SLC26A3: variants seen among roughly 807,000 people sequenced by gnomAD.
The protein encoded by SLC26A3 is solute carrier family 26 member 3.
In SLC26A3, 64 loss-of-function variants were observed where a neutral mutation model predicts 85.6. The ratio of observed to expected loss-of-function variants is 0.75; its 90% CI spans 0.61 to 0.92. The LOEUF is 0.92. Among genes scored for constraint, SLC26A3 ranks in the 40% least tolerant of loss-of-function variants. SLC26A3 has a pLI of 0.00. For missense variants in SLC26A3, 922 were observed against 927.3 expected (o/e 0.99, Z 0.07); for synonymous variants, 349 against 336.0 (o/e 1.04, Z -0.42).
chr7:107,794,698 C>T, intron 1 of SLC26A3, 101 bp from the exon 2 acceptor site: 1 of 627,266 alleles, frequency 1.6e-6, no homozygotes, highest in Non-Finnish European at 2.8e-6. Flanking sequence ...CTTTTAAGAT[C>T]AAAAAAGGCA....
intron 1 of SLC26A3, among the ~76,000 whole-genome samples, chr7:107,802,498 A>G (rs1243974471): frequency 6.6e-6 from 1 of 151,912 alleles, no homozygotes. Context: ...TGTCTAGCAG[A>G]TAAATCTCTC....
rs1273219369 is a variant in SLC26A3 at position 107,773,923 on chromosome 7, T to C, written c.2004A>G (p.Lys668=). 2 of 1,610,022 alleles carry C rather than the reference T, an allele frequency of 1.2e-6. No individual in the cohort carries two copies. The highest frequency in any genetic ancestry group is 1.7e-6 in the Non-Finnish European group (2 of 1,176,330). Residue 668 remains lysine, a synonymous_variant, in exon 17 of 21, where the codon AAA becomes AAG. Coordinates refer to ENST00000340010, the MANE Select transcript of SLC26A3 (RefSeq NM_000111.3). ...CCATTAAGAACAAAGAAATTACCGA[T>C]TTAAGGCCCCTCACTGAAGAAACAT... The part of the protein sequence containing the change: ...FLDVSSVRGL[K]SILQEFIRIK...
At position 107,789,672 on chromosome 7, in the gene SLC26A3, A is replaced by G. The variant is rs1423324014; in HGVS notation, c.587T>C (p.Leu196Pro). ...GTATATCACTACAAATCCAATCCGC[A>G]GAATCCCAAAAGCCAACTGGAAAGA... ...SGIIQLAFGI[L>P]RIGFVVIYLS... Residue 196 changes from leucine (L) to proline (P), a missense_variant, in exon 6 of 21, where the codon CTG becomes CCG. Leu to Pro is a moderately conservative substitution (Grantham distance 98, BLOSUM62 -3). Transcript: ENST00000340010. The G allele has an allele frequency of 6.2e-7, 1 of 1,613,752 alleles. No homozygotes were observed. Among genetic ancestry groups the G allele is most frequent in the Non-Finnish European group, 8.5e-7 (1 of 1,179,870 alleles).
intron 1 of SLC26A3, among the ~76,000 whole-genome samples, chr7:107,795,701 G>A (rs1477535419): frequency 1.3e-5 from 2 of 151,800 alleles, no homozygotes; most frequent in Admixed American, 6.6e-5. Context: ...AAACATAATC[G>A]AAGAACATTC....
chr7:107,776,313 G>A (rs1173249176), intron 15 of SLC26A3, 139 bp downstream of exon 15: 12 of 750,468 alleles, frequency 1.6e-5, no homozygotes, highest in Admixed American at 2.0e-5. Flanking sequence ...GTTCTGGGAC[G>A]TGGGACAAAA....
intron 11 of SLC26A3, among the ~76,000 whole-genome samples, chr7:107,780,620 A>T (rs1794201395): frequency 6.6e-6 from 1 of 152,226 alleles, no homozygotes; most frequent in African/African-American, 2.4e-5. Flanking sequence ...TACAAAGAAA[A>T]GCCAAATACA....
intron 20 of SLC26A3, among the ~76,000 whole-genome samples, chr7:107,766,115 T>G (rs1014555196): frequency 6.6e-6 from 1 of 152,216 alleles, no homozygotes; most frequent in African/African-American, 2.4e-5. Context: ...AATATCTTTC[T>G]TCACATTTAT....
At chr7:107,790,212 C>T (rs1183766318) in intron 5 of SLC26A3, among the ~76,000 whole-genome samples, 1 of 152,068 alleles carries the variant, frequency 6.6e-6, no homozygotes, top group Admixed American at 6.6e-5. Flanking sequence ...TGGTTAATTC[C>T]CCCCTAAAGC....
chr7:107,784,347 A>G lies in SLC26A3; in HGVS notation c.972-995T>C, dbSNP rs148072398. Among the ~76,000 whole-genome samples the G allele has an allele frequency of 4.8e-3, 727 of 152,298 alleles. 5 individuals are homozygous for G. Among genetic ancestry groups the G allele is most frequent in the African/African-American group, 0.017 (687 of 41,562 alleles). Reference sequence around the variant, plus strand: ...TGAACACCATAGACAGAATGATGTGATGAAGATTTACAGTCTAAAGACTTG... The same window carrying G: ...TGAACACCATAGACAGAATGATGTGGTGAAGATTTACAGTCTAAAGACTTG... On this transcript the variant is annotated intron_variant, in intron 8 of 20. Coordinates refer to ENST00000340010, the MANE Select transcript of SLC26A3 (RefSeq NM_000111.3).
At chr7:107,796,164 G>T (rs2115894768) in intron 1 of SLC26A3, among the ~76,000 whole-genome samples, 1 of 152,052 alleles carries the variant, frequency 6.6e-6, no homozygotes, top group South Asian at 2.1e-4. Context: ...GTAGAGTGCA[G>T]TGGTGCAATC....
At chr7:107,798,834 T>C (rs1240534088) in intron 1 of SLC26A3, among the ~76,000 whole-genome samples, 3 of 152,172 alleles carry the variant, frequency 2.0e-5, no homozygotes, top group African/African-American at 7.2e-5. Context: ...AGCCAGTCAG[T>C]GCAAAACCAG....
At chr7:107,772,711 G>GTGCCTTCTAGGCACTT (rs1794046172) in intron 17 of SLC26A3, among the ~76,000 whole-genome samples, 1 of 152,000 alleles carries the variant, frequency 6.6e-6, no homozygotes, top group Non-Finnish European at 1.5e-5. Flanking sequence ...ACTTAACTAA[G>GTGCCTTCTAGGCACTT]AATTAGAGCC....
rs1194189313 is a variant in SLC26A3, at chr7:107,791,109, T to A, written c.509A>T (p.Asp170Val). 1 of 1,614,044 alleles carries A rather than the reference T, an allele frequency of 6.2e-7. No homozygotes were observed. The highest frequency in any genetic ancestry group is 1.3e-5 in the African/African-American group (1 of 74,914). ...CGCCGCCACCCTCACCCTCTCGTCA[T>A]CCAGTAGTGAAGAATTATTCGAGTT... ...PNNSNNSSLL[D>V]DERVRVAAAA... The change falls in exon 5 of 21, where the codon GAT becomes GTT. Residue 170 changes from aspartate (D) to valine (V), a missense_variant. Physicochemically the swap from Asp to Val is radical, Grantham distance 152. Transcript: ENST00000340010.
intron 8 of SLC26A3, 73 bp downstream of exon 8, chr7:107,786,754 T>A: frequency 7.9e-7 from 1 of 1,271,538 alleles, no homozygotes; most frequent in Non-Finnish European, 1.2e-6. Context: ...GCAGTTCGGA[T>A]TGTACCTCTC....
At chr7:107,788,784 C>CTTTTTTTTTTTTTTTTTTTTTT (rs71861759) in intron 6 of SLC26A3, among the ~76,000 whole-genome samples, 12 of 108,050 alleles carry the variant, frequency 1.1e-4, no homozygotes, top group Admixed American at 2.1e-4. Flanking sequence ...TTTTTCTTTT[C>CTTTTTTTTTTTTTTTTTTTTTT]TTTTTTTTTT....
chr7:107,770,038 CTTTCTTTCTTTCTCTTTTCTTTCT>C (rs1793987939), intron 18 of SLC26A3, among the ~76,000 whole-genome samples: 1 of 76,360 alleles, frequency 1.3e-5, no homozygotes, highest in African/African-American at 5.6e-5. Flanking sequence ...TTCTTTCTTT[CTTTCTTTCTTTCTCTTTTCTTTCT>C]TTTTCTTTCT....
chr7:107,797,604 A>G (rs987706425), intron 1 of SLC26A3, among the ~76,000 whole-genome samples: 1 of 152,174 alleles, frequency 6.6e-6, no homozygotes. Flanking sequence ...TCCAAAAGCT[A>G]TGCCTCCATG....
intron 11 of SLC26A3, among the ~76,000 whole-genome samples, chr7:107,782,197 C>G (rs147181929): frequency 7.1e-4 from 108 of 152,266 alleles, no homozygotes; most frequent in African/African-American, 2.2e-3. Context: ...TCCTAGAGAG[C>G]CTTTGCTTTC....
intron 12 of SLC26A3, among the ~76,000 whole-genome samples, chr7:107,778,632 T>A (rs569754180): frequency 6.6e-6 from 1 of 152,274 alleles, no homozygotes; most frequent in South Asian, 2.1e-4. Flanking sequence ...CAGTGATAAT[T>A]ATAATTGCAA....
Sources: gnomAD v4.1 joint callset for allele counts (sites outside exome capture counted in the v4.1 genomes callset) on GRCh38, gnomAD v4.1.1 for gene constraint, MANE v1.5 for transcripts, NCBI Gene and HGNC (gene_info 2026-07-23, HGNC 2026-07-21) for gene names.